The following ASTN2 variants were observed in gnomAD, a reference collection of about 807,000 sequenced individuals.
ASTN2 encodes the protein astrotactin-2.
In ASTN2, 54 loss-of-function variants were observed where a neutral mutation model predicts 139.8. The observed-to-expected ratio is 0.39, with a 90% CI of 0.31 to 0.48. The LOEUF is 0.48. Ranked by LOEUF, ASTN2 falls within the 20% of genes least tolerant of loss-of-function variation. ASTN2 has a pLI of 0.95. For synonymous variants in ASTN2, 756 were observed against 719.5 expected, an observed-to-expected ratio of 1.05 and a Z score of -0.81; for missense variants, 1,565 against 1,725.1, an observed-to-expected ratio of 0.91 and a Z score of 1.64.
At chr9:117,011,144 G>C (rs935619113) in intron 6 of ASTN2, among the ~76,000 whole-genome samples, 1 of 152,174 alleles carries the variant, frequency 6.6e-6, no homozygotes, top group South Asian at 2.1e-4. Context: ...GAACTTAGAA[G>C]CTCTAAATGC....
chr9:116,725,083 T>G (rs1475095028), intron 16 of ASTN2, among the ~76,000 whole-genome samples: 1 of 152,178 alleles, frequency 6.6e-6, no homozygotes, highest in Non-Finnish European at 1.5e-5. Flanking sequence ...CCACTTATCT[T>G]TAATGTGAGA....
intron 3 of ASTN2, among the ~76,000 whole-genome samples, chr9:117,169,279 G>A (rs1168844814): frequency 6.6e-6 from 1 of 152,076 alleles, no homozygotes; most frequent in Non-Finnish European, 1.5e-5. Flanking sequence ...TATTTGCTGT[G>A]GGGAGAGGAA....
At chr9:117,087,015 G>A (rs12683796) in intron 5 of ASTN2, among the ~76,000 whole-genome samples, 16,474 of 152,134 alleles carry the variant, frequency 0.11, 1,118 homozygotes, top group Middle Eastern at 0.18. Flanking sequence ...CTGAGTAGCA[G>A]GTCCTGGGGG....
chr9:116,750,772 C>T (rs1317183135), intron 13 of ASTN2, among the ~76,000 whole-genome samples: 4 of 152,190 alleles, frequency 2.6e-5, no homozygotes, highest in Admixed American at 2.0e-4. Context: ...TGGACATTAG[C>T]CAGTTTGCTT....
At chr9:116,470,439 C>T (rs1348067148) in intron 20 of ASTN2, among the ~76,000 whole-genome samples, 2 of 152,220 alleles carry the variant, frequency 1.3e-5, no homozygotes, top group South Asian at 2.1e-4. Flanking sequence ...CACATCCTGG[C>T]TCTGCTACTG....
At chr9:116,642,319 T>A (rs1857383450) in intron 17 of ASTN2, among the ~76,000 whole-genome samples, 1 of 151,992 alleles carries the variant, frequency 6.6e-6, no homozygotes, top group Non-Finnish European at 1.5e-5. Context: ...GTATACTTTT[T>A]AATATACTAT....
chr9:116,463,907 T>C (rs991957650), intron 20 of ASTN2, among the ~76,000 whole-genome samples: 5 of 140,418 alleles, frequency 3.6e-5, no homozygotes, highest in Admixed American at 2.9e-4. Flanking sequence ...CAGAGTTTTG[T>C]GTTTTTTTTT....
In ASTN2 at chr9:116,805,642, T is replaced by C. The variant is rs746483317; in HGVS notation, c.2386A>G (p.Met796Val). ...QHVNQGQVFQ[M>V]TFRENNFIKD... Reference sequence around the variant, plus strand: ...GTATCTACAGCATACCTAAAGGTCATCTGGAAGACTTGGCCTTGGTTCACA... The same window carrying C: ...GTATCTACAGCATACCTAAAGGTCACCTGGAAGACTTGGCCTTGGTTCACA... Residue 796 changes from methionine (M) to valine (V), a missense_variant, in exon 13 of 23, where the codon ATG becomes GTG. Physicochemically the swap from Met to Val is conservative, Grantham distance 21 (BLOSUM62 1). Coordinates refer to ENST00000313400, the MANE Select transcript of ASTN2 (RefSeq NM_001365068.1). 40 of 1,613,752 alleles carry C rather than the reference T, an allele frequency of 2.5e-5. 1 individual carries two copies. The South Asian group carries it at 4.2e-4, about 17-fold the overall frequency.
intron 17 of ASTN2, among the ~76,000 whole-genome samples, chr9:116,635,117 C>A (rs2131876021): frequency 6.6e-6 from 1 of 152,308 alleles, no homozygotes; most frequent in East Asian, 1.9e-4. Context: ...TAAATTATAT[C>A]TCCATAGTAT....
At chr9:117,301,661 G>C (rs1471640669) in intron 1 of ASTN2, among the ~76,000 whole-genome samples, 3 of 152,196 alleles carry the variant, frequency 2.0e-5, no homozygotes, top group Non-Finnish European at 4.4e-5. Context: ...GATATGATAA[G>C]TACCAGGGCA....
intron 15 of ASTN2, 54 bp downstream of exon 15, chr9:116,728,938 C>T: frequency 6.8e-7 from 1 of 1,461,768 alleles, no homozygotes; most frequent in Non-Finnish European, 9.4e-7. Context: ...AGGTCCTTGG[C>T]AACAAGTGCT....
intron 11 of ASTN2, among the ~76,000 whole-genome samples, chr9:116,829,311 C>G (rs1407636972): frequency 1.3e-5 from 2 of 150,344 alleles, no homozygotes; most frequent in Admixed American, 6.7e-5. Context: ...AAATAGGCAA[C>G]TAGATCAATG....
At chr9:116,595,099 T>G (rs1245670530) in intron 19 of ASTN2, among the ~76,000 whole-genome samples, 1 of 152,252 alleles carries the variant, frequency 6.6e-6, no homozygotes, top group East Asian at 1.9e-4. Context: ...AGTAAGTGAC[T>G]ATGCCCCCTC....
In ASTN2 at chr9:117,333,524, G is replaced by A. The variant is rs113185562; in HGVS notation, c.443-42011C>T. On this transcript the variant is annotated intron_variant, in intron 1 of 22. Coordinates refer to ENST00000313400, the MANE Select transcript of ASTN2 (RefSeq NM_001365068.1). The stretch of plus-strand genomic sequence containing the variant: ...CCATAACCAAAAGATGCCCATGTAG[G>A]TGCTCCACAGTTATTGCAGGGGGGG... Among the ~76,000 whole-genome samples, 754 of 152,198 alleles carry A rather than the reference G, an allele frequency of 5.0e-3. 11 individuals are homozygous for A. The highest frequency in any genetic ancestry group is 0.017 in the African/African-American group (707 of 41,518).
intron 22 of ASTN2, among the ~76,000 whole-genome samples, chr9:116,434,909 G>A (rs993387613): frequency 5.3e-4 from 80 of 152,252 alleles, no homozygotes; most frequent in South Asian, 4.2e-4. Flanking sequence ...TAAATCTTAT[G>A]GGGATATATG....
intron 10 of ASTN2, among the ~76,000 whole-genome samples, chr9:116,935,397 G>C (rs10217713): frequency 0.99 from 150,394 of 152,334 alleles, 74,265 homozygotes; most frequent in East Asian, 1. Flanking sequence ...TACTGCCTAC[G>C]TTATGGGAAG....
At chr9:116,886,722 A>C (rs1009088503) in intron 10 of ASTN2, among the ~76,000 whole-genome samples, 1 of 141,076 alleles carries the variant, frequency 7.1e-6, no homozygotes, top group Non-Finnish European at 1.6e-5. Flanking sequence ...TTGGCATTTC[A>C]GAAATAAAAG....
At chr9:117,402,129 C>T (rs765521646) in intron 1 of ASTN2, among the ~76,000 whole-genome samples, 5 of 152,134 alleles carry the variant, frequency 3.3e-5, no homozygotes, top group Admixed American at 1.3e-4. Flanking sequence ...TGCAGTGGCA[C>T]GATTTCAGCT....
intron 16 of ASTN2, among the ~76,000 whole-genome samples, chr9:116,711,991 T>C (rs1828176520): frequency 6.6e-6 from 1 of 152,150 alleles, no homozygotes; most frequent in Admixed American, 6.5e-5. Flanking sequence ...CTAATGATAA[T>C]ATACAAAACC....
Sources: allele counts gnomAD v4.1 joint callset (sites outside exome capture counted in the v4.1 genomes callset), GRCh38; gene constraint gnomAD v4.1.1; transcripts MANE v1.5; gene names NCBI Gene and HGNC (gene_info 2026-07-23, HGNC 2026-07-21).